Variants in CNTN1 observed in about 807,000 individuals in gnomAD.
CNTN1 encodes contactin 1, also known as contactin-1.
Under a neutral mutation model 126.4 loss-of-function variants are expected in CNTN1, and 38 were observed. That is an observed-to-expected ratio of 0.30 (90% CI 0.23 to 0.39). The LOEUF (loss-of-function observed/expected upper bound fraction) is 0.39, where lower values mean the gene tolerates loss of function less well. Ranked by LOEUF, CNTN1 falls within the 10% of genes least tolerant of loss-of-function variation. The pLI is 1.00. For missense variants in CNTN1, 1,009 were observed against 1,248.4 expected, an observed-to-expected ratio of 0.81 and a Z score of 2.89; for synonymous variants, 413 against 422.6, an observed-to-expected ratio of 0.98 and a Z score of 0.28.
intron 1 of CNTN1, among the ~76,000 whole-genome samples, chr12:40,813,133 CTTTCT>C (rs1380046826): frequency 5.8e-5 from 8 of 138,532 alleles, no homozygotes; most frequent in African/African-American, 1.6e-4. Context: ...TTCTTTCTTT[CTTTCT>C]TTTTCTTTCT....
chr12:40,723,475 A>T (rs77399550), intron 1 of CNTN1, among the ~76,000 whole-genome samples: 39 of 152,308 alleles, frequency 2.6e-4, no homozygotes, highest in Non-Finnish European at 3.7e-4. Flanking sequence ...ACTGGAACTA[A>T]GTGGAATATG....
chr12:40,779,955 C>T (rs916829027), intron 1 of CNTN1, among the ~76,000 whole-genome samples: 2 of 151,902 alleles, frequency 1.3e-5, no homozygotes, highest in Non-Finnish European at 1.5e-5. Flanking sequence ...TCTCCCCAAA[C>T]AGGTGTCATT....
At chr12:40,800,331 G>C (rs1202427894) in intron 1 of CNTN1, among the ~76,000 whole-genome samples, 1 of 151,940 alleles carries the variant, frequency 6.6e-6, no homozygotes, top group African/African-American at 2.4e-5. Context: ...ATGCAGAACT[G>C]TGAGTCAATT....
chr12:40,888,009 T>A (rs1944105227), intron 1 of CNTN1, among the ~76,000 whole-genome samples: 1 of 101,860 alleles, frequency 9.8e-6, no homozygotes, highest in Non-Finnish European at 1.8e-5. Context: ...CTCTGGGGAC[T>A]GTTGTGGGGT....
chr12:40,823,316 A>G (rs1941510738), intron 1 of CNTN1, among the ~76,000 whole-genome samples: 1 of 152,222 alleles, frequency 6.6e-6, no homozygotes, highest in Non-Finnish European at 1.5e-5. Context: ...AGCTTGATGC[A>G]GTGAAAGAGG....
chr12:40,904,165 C>T (rs898825682), intron 1 of CNTN1, among the ~76,000 whole-genome samples: 5 of 151,982 alleles, frequency 3.3e-5, no homozygotes, highest in Non-Finnish European at 7.4e-5. Context: ...ACTACAGGCG[C>T]CTGCCACCAC....
At chr12:40,986,364 A>T (rs1167528307) in intron 16 of CNTN1, among the ~76,000 whole-genome samples, 1 of 152,176 alleles carries the variant, frequency 6.6e-6, no homozygotes, top group African/African-American at 2.4e-5. Flanking sequence ...AGTGCATGTC[A>T]TTACTTTAGG....
At chr12:40,838,223 A>T (rs1369711171) in intron 1 of CNTN1, among the ~76,000 whole-genome samples, 1 of 151,666 alleles carries the variant, frequency 6.6e-6, no homozygotes, top group East Asian at 1.9e-4. Flanking sequence ...TTGGCTCTAA[A>T]CTCCCAGCCA....
intron 1 of CNTN1, among the ~76,000 whole-genome samples, chr12:40,792,882 G>T (rs1364475464): frequency 1.4e-4 from 22 of 152,024 alleles, no homozygotes; most frequent in Non-Finnish European, 3.1e-4. Context: ...TATTTCTTTG[G>T]CCTATTTTGA....
At chr12:40,777,554 C>A (rs1565721418) in intron 1 of CNTN1, among the ~76,000 whole-genome samples, 2 of 151,672 alleles carry the variant, frequency 1.3e-5, no homozygotes, top group Non-Finnish European at 2.9e-5. Flanking sequence ...AAAAAGATTC[C>A]TTCTGTAATA....
At chr12:40,926,873 G>C (rs529710771) in intron 6 of CNTN1, among the ~76,000 whole-genome samples, 1 of 152,242 alleles carries the variant, frequency 6.6e-6, no homozygotes, top group East Asian at 1.9e-4. Flanking sequence ...ATAAATACAA[G>C]AGTTGAGGGT....
intron 13 of CNTN1, 88 bp from the exon 14 acceptor site, chr12:40,943,907 A>G (rs1946346971): frequency 7.1e-7 from 1 of 1,406,526 alleles, no homozygotes. Context: ...TTGCACAAAT[A>G]AAAATATATT....
chr12:40,864,677 T>C (rs1943238966), intron 1 of CNTN1, among the ~76,000 whole-genome samples: 1 of 152,220 alleles, frequency 6.6e-6, no homozygotes, highest in Non-Finnish European at 1.5e-5. Flanking sequence ...ACTTCATTCC[T>C]TTTTATTACT....
intron 16 of CNTN1, among the ~76,000 whole-genome samples, chr12:40,990,502 C>T (rs1344139773): frequency 4.6e-5 from 7 of 152,122 alleles, no homozygotes; most frequent in Non-Finnish European, 2.9e-5. Context: ...GCCTTGGCTC[C>T]TCAGCTGGAA....
chr12:40,997,455 T>C (rs917652531), intron 17 of CNTN1, among the ~76,000 whole-genome samples: 4 of 152,244 alleles, frequency 2.6e-5, no homozygotes, highest in African/African-American at 9.6e-5. Context: ...TCTCATTCTT[T>C]CTTTTTTCTT....
At chr12:40,842,638 A>T (rs137960364) in intron 1 of CNTN1, among the ~76,000 whole-genome samples, 166 of 152,266 alleles carry the variant, frequency 1.1e-3, no homozygotes, top group African/African-American at 3.8e-3. Flanking sequence ...ACTAAATATT[A>T]AGTAGTAGAG....
At chr12:40,834,276 G>A (rs1172731263) in intron 1 of CNTN1, among the ~76,000 whole-genome samples, 1 of 152,180 alleles carries the variant, frequency 6.6e-6, no homozygotes, top group African/African-American at 2.4e-5. Context: ...AATATTAAAT[G>A]CATGTTTGAT....
intron 1 of CNTN1, among the ~76,000 whole-genome samples, chr12:40,888,023 G>A: frequency 8.8e-6 from 1 of 113,494 alleles, no homozygotes; most frequent in South Asian, 3.7e-4. Context: ...GTGGGGTGGG[G>A]GGAGGGAGGA....
chr12:40,937,697 A>G lies in CNTN1; in HGVS notation c.1228+10A>G, dbSNP rs377341346. The G allele has an allele frequency of 8.4e-5, 121 of 1,436,570 alleles. No homozygotes were observed. Among genetic ancestry groups the G allele is most frequent in the Non-Finnish European group, 1.2e-4 (118 of 1,018,602 alleles). The allele number at this position is 1,436,570 out of a possible 1,614,324, so 89.0% of individuals were successfully genotyped here. On this transcript the variant is annotated intron_variant, in intron 11 of 23. Coordinates refer to ENST00000551295, the MANE Select transcript of CNTN1 (RefSeq NM_001843.4). ...GAGTTGAAGATCTTGGGTCAGTATC[A>G]TTTCTAATTTCTGTTAAACATTGTT...
Sources: gnomAD v4.1 joint callset for allele counts (sites outside exome capture counted in the v4.1 genomes callset) on GRCh38, gnomAD v4.1.1 for gene constraint, MANE v1.5 for transcripts, NCBI Gene and HGNC (gene_info 2026-07-23, HGNC 2026-07-21) for gene names.